The following TLL2 variants were observed in gnomAD, a reference collection of about 807,000 sequenced individuals.
TLL2 encodes the protein tolloid like 2, also known as tolloid-like protein 2.
Under a neutral mutation model 123.0 loss-of-function variants are expected in TLL2, and 106 were observed. The observed-to-expected ratio is 0.86, with a 90% CI of 0.74 to 1.01. The LOEUF is 1.01. Ranked by LOEUF, TLL2 falls within the 50% of genes least tolerant of loss-of-function variation. The pLI is 0.00. For missense variants in TLL2, 1,332 were observed against 1,336.7 expected (o/e 1.00, Z 0.06); for synonymous variants, 494 against 516.8 (o/e 0.96, Z 0.60).
intron 13 of TLL2, among the ~76,000 whole-genome samples, chr10:96,389,918 CCAGTTA>C (rs1846269951): frequency 6.6e-6 from 1 of 152,256 alleles, no homozygotes; most frequent in South Asian, 2.1e-4. Context: ...AGATGTTTGG[CCAGTTA>C]CAGCCCTGCT....
In TLL2 at chr10:96,381,493, G is replaced by A. The variant is rs147091398; in HGVS notation, c.2195-2401C>T. On this transcript the variant is annotated intron_variant, in intron 16 of 20. Coordinates refer to ENST00000357947, the MANE Select transcript of TLL2 (RefSeq NM_012465.4). ...TGAGAACTTAACCTGTGCTCACACT[G>A]CCTCCCCTACTGGGGACCCTGATTA... Among the ~76,000 whole-genome samples the A allele has an allele frequency of 3.3e-5, 5 of 152,134 alleles. No individual in the cohort carries two copies. In the East Asian group the frequency reaches 9.7e-4, roughly 29 times the overall value.
At position 96,387,087 on chromosome 10, in the gene TLL2, G is replaced by C. The variant is rs767212154; in HGVS notation, c.1727-9C>G. Reference sequence around the variant, plus strand: ...GGAACACTCATCCACCTCTGGTGGGGAAGGAAGGTGACCCCGGTTACATTG... The same window carrying C: ...GGAACACTCATCCACCTCTGGTGGGCAAGGAAGGTGACCCCGGTTACATTG... On this transcript the variant is annotated splice_polypyrimidine_tract_variant and intron_variant, in intron 13 of 20. Coordinates refer to ENST00000357947, the MANE Select transcript of TLL2 (RefSeq NM_012465.4). 2 of 1,611,090 alleles carry C rather than the reference G, an allele frequency of 1.2e-6. No homozygotes were observed. Among genetic ancestry groups the C allele is most frequent in the Non-Finnish European group, 1.7e-6 (2 of 1,177,654 alleles).
At chr10:96,409,753 C>T (rs2134069670) in intron 9 of TLL2, among the ~76,000 whole-genome samples, 1 of 152,286 alleles carries the variant, frequency 6.6e-6, no homozygotes, top group Non-Finnish European at 1.5e-5. Flanking sequence ...GGTCCTACGC[C>T]ACACTCCAGG....
chr10:96,421,803 C>G (rs934051935), intron 6 of TLL2, among the ~76,000 whole-genome samples: 2 of 152,140 alleles, frequency 1.3e-5, no homozygotes, highest in Non-Finnish European at 2.9e-5. Flanking sequence ...CGCCACTGCA[C>G]TCCAGCCTGG....
At chr10:96,422,795 C>T (rs1846639102) in intron 5 of TLL2, 68 bp from the exon 6 acceptor site, 2 of 1,575,264 alleles carry the variant, frequency 1.3e-6, no homozygotes, top group Non-Finnish European at 1.7e-6. Flanking sequence ...CAAGTCCCCC[C>T]TCCCACTCTG....
At chr10:96,509,553 T>C (rs1233979862) in intron 1 of TLL2, among the ~76,000 whole-genome samples, 2 of 152,234 alleles carry the variant, frequency 1.3e-5, no homozygotes, top group Non-Finnish European at 2.9e-5. Flanking sequence ...CCCTGTCTCA[T>C]TCCTCCTGCT....
chr10:96,390,393 A>C (rs1846275552), intron 13 of TLL2, among the ~76,000 whole-genome samples: 1 of 152,262 alleles, frequency 6.6e-6, no homozygotes, highest in Non-Finnish European at 1.5e-5. Context: ...GCATAGGACC[A>C]AAATGGCCCT....
At chr10:96,484,434 C>A (rs375734804) in intron 1 of TLL2, among the ~76,000 whole-genome samples, 124 of 152,270 alleles carry the variant, frequency 8.1e-4, no homozygotes, top group African/African-American at 2.9e-3. Context: ...TTGACACATA[C>A]AGCCTTTGCA....
intron 1 of TLL2, among the ~76,000 whole-genome samples, chr10:96,499,265 C>A (rs1317175381): frequency 6.6e-6 from 1 of 152,182 alleles, no homozygotes; most frequent in Non-Finnish European, 1.5e-5. Flanking sequence ...TGGTCAGTAT[C>A]TCAGTGAACT....
At chr10:96,498,765 G>A (rs761344789) in intron 1 of TLL2, among the ~76,000 whole-genome samples, 45 of 152,218 alleles carry the variant, frequency 3.0e-4, no homozygotes, top group Non-Finnish European at 4.1e-4. Flanking sequence ...AACCATGCCC[G>A]TGATGATTTG....
chr10:96,444,329 A>G (rs939148624), intron 3 of TLL2, among the ~76,000 whole-genome samples: 2 of 152,204 alleles, frequency 1.3e-5, no homozygotes, highest in African/African-American at 4.8e-5. Flanking sequence ...AAGTGAACTG[A>G]ATGCTAATTG....
At chr10:96,399,117 C>T (rs1415866512) in intron 10 of TLL2, among the ~76,000 whole-genome samples, 5 of 152,068 alleles carry the variant, frequency 3.3e-5, no homozygotes, top group East Asian at 1.9e-4. Context: ...ATGATCTGCC[C>T]GCCTCAGCTT....
At chr10:96,382,558 T>C (rs1036211772) in intron 16 of TLL2, among the ~76,000 whole-genome samples, 5 of 152,254 alleles carry the variant, frequency 3.3e-5, no homozygotes, top group Non-Finnish European at 7.3e-5. Flanking sequence ...GTTATAAACT[T>C]AATCCCCAAT....
At chr10:96,371,867 A>G (rs578247308) in intron 19 of TLL2, among the ~76,000 whole-genome samples, 60 of 152,156 alleles carry the variant, frequency 3.9e-4, no homozygotes, top group Middle Eastern at 3.4e-3. Flanking sequence ...CTTTTCTTCC[A>G]CTTAGGTCAC....
chr10:96,481,636 C>A (rs2134105042), intron 1 of TLL2, among the ~76,000 whole-genome samples: 1 of 152,280 alleles, frequency 6.6e-6, no homozygotes, highest in Admixed American at 6.5e-5. Context: ...GTGTTGCCTG[C>A]CTTCACTCGG....
chr10:96,465,695 C>T (rs1476714848), intron 2 of TLL2, among the ~76,000 whole-genome samples: 1 of 152,178 alleles, frequency 6.6e-6, no homozygotes, highest in East Asian at 1.9e-4. Flanking sequence ...CCCACTGGCC[C>T]CGTATGCATG....
chr10:96,466,740 G>T (rs12261890), intron 2 of TLL2, among the ~76,000 whole-genome samples: 1 of 152,130 alleles, frequency 6.6e-6, no homozygotes, highest in Non-Finnish European at 1.5e-5. Context: ...AGACTATTCT[G>T]AAGTTCCACG....
intron 2 of TLL2, among the ~76,000 whole-genome samples, chr10:96,465,906 C>T (rs1212220696): frequency 1.3e-5 from 2 of 152,146 alleles, no homozygotes; most frequent in African/African-American, 4.8e-5. Context: ...CAAGAGAAGC[C>T]AGAGTTCTGG....
At chr10:96,409,429 T>C (rs1377490813) in intron 9 of TLL2, among the ~76,000 whole-genome samples, 2 of 152,208 alleles carry the variant, frequency 1.3e-5, no homozygotes, top group Non-Finnish European at 2.9e-5. Flanking sequence ...TCTAAGATAG[T>C]TGCATCTAGT....
Sources: allele counts gnomAD v4.1 joint callset (sites outside exome capture counted in the v4.1 genomes callset), GRCh38; gene constraint gnomAD v4.1.1; transcripts MANE v1.5; gene names NCBI Gene and HGNC (gene_info 2026-07-23, HGNC 2026-07-21).